SLC35F5: variants seen among roughly 807,000 people sequenced by gnomAD.
The protein encoded by SLC35F5 is HCV NS5A-transactivated protein 3.
A neutral mutation model predicts 68.6 loss-of-function variants in SLC35F5; 54 were observed. The ratio of observed to expected loss-of-function variants is 0.79; its 90% CI spans 0.63 to 0.99. The LOEUF is 0.99. Ranked by LOEUF, SLC35F5 falls within the 50% of genes least tolerant of loss-of-function variation. SLC35F5 has a pLI of 0.00. For missense variants in SLC35F5, 567 were observed against 626.9 expected (o/e 0.90, Z 1.02); for synonymous variants, 211 against 205.2 (o/e 1.03, Z -0.24).
intron 7 of SLC35F5, among the ~76,000 whole-genome samples, chr2:113,741,178 TCAAAAA>T: frequency 6.6e-6 from 1 of 151,796 alleles, no homozygotes; most frequent in East Asian, 1.9e-4. Context: ...TAAACCAGTC[TCAAAAA>T]GACAAATGCT....
rs752042491 is a variant in SLC35F5 at position 113,719,251 on chromosome 2, TA to T, written c.1398del (p.Phe466LeufsTer3). On this transcript the variant is annotated frameshift_variant, in exon 14 of 16. Transcript: ENST00000245680. LOFTEE classifies it high-confidence loss of function. ...TTATAATGGCATAGGAGAGTTACAA[TA>T]AAAAATGAAAAAAATACAGGGATAG... ...AGAIPVFFSF[F>X]IVTLLCHYNN... 2 of 1,593,572 alleles carry T rather than the reference TA, an allele frequency of 1.3e-6. No homozygotes were observed. Among genetic ancestry groups the T allele is most frequent in the South Asian group, 2.3e-5 (2 of 87,520 alleles).
Position 113,712,665 on chromosome 2 carries a change from G to A in SLC35F5, c.*2553C>T, listed in dbSNP as rs1687031751. On this transcript the variant is annotated 3_prime_UTR_variant, in exon 16 of 16. Coordinates refer to ENST00000245680, the MANE Select transcript of SLC35F5 (RefSeq NM_025181.5). ...CTCATTTTTCAGCTTTGTTGTAGTT[G>A]AGATTCTGATGTTCACCTAACAAAG... The A allele has an allele frequency of 6.6e-6, 1 of 152,242 alleles. No individual in the cohort carries two copies. Among genetic ancestry groups the A allele is most frequent in the African/African-American group, 2.4e-5 (1 of 41,460 alleles). The allele number at this position is 152,242 out of a possible 1,614,324, so 9.4% of individuals were successfully genotyped here. A position where few individuals can be genotyped will look rare whatever the true frequency, so the allele number is the denominator to read the frequency against.
Position 113,725,494 on chromosome 2 carries a change from G to T in SLC35F5, c.1134C>A (p.Phe378Leu). The T allele has an allele frequency of 1.2e-6, 2 of 1,602,380 alleles. No homozygotes were observed. Among genetic ancestry groups the T allele is most frequent in the Non-Finnish European group, 1.7e-6 (2 of 1,177,294 alleles). The change falls in exon 12 of 16, where the codon TTC (phenylalanine) becomes TTA (leucine). Residue 378 changes from phenylalanine to leucine, a missense_variant. Phe to Leu is a conservative substitution (Grantham distance 22). Transcript: ENST00000245680. ...LFNLLLLWPG[F>L]FLLHYTGFED... is the part of the protein sequence containing the mutation. ...CAAATCCAGTATAATGAAGTAAAAAGAAACCTGGCCATAAGAGCAGCAGAT... is the reference window on the plus strand; with the variant it reads ...CAAATCCAGTATAATGAAGTAAAAATAAACCTGGCCATAAGAGCAGCAGAT...
chr2:113,756,012 TAAAAG>T, intron 1 of SLC35F5: 9 of 1,508,048 alleles, frequency 6.0e-6, no homozygotes, highest in South Asian at 1.3e-5. Context: ...CTTCAAGTGG[TAAAAG>T]AAAAGGATTC....
intron 10 of SLC35F5, among the ~76,000 whole-genome samples, chr2:113,731,075 A>G (rs1218096056): frequency 6.6e-6 from 1 of 152,192 alleles, no homozygotes; most frequent in Non-Finnish European, 1.5e-5. Context: ...TATTCTTACC[A>G]AAAATGCACA....
rs183437592 is a variant in SLC35F5, at chr2:113,747,877, G to A, written c.418-1538C>T. Among the ~76,000 whole-genome samples the A allele has an allele frequency of 5.9e-3, 892 of 152,212 alleles. 5 individuals are homozygous for A. Among genetic ancestry groups the A allele is most frequent in the Non-Finnish European group, 9.2e-3 (624 of 68,002 alleles). ...GAGGCCGAGAGGGGTGGATCGCTTG[G>A]GGTCAGGAGTTCAAGACCAGCCTGA... is the stretch of plus-strand genomic sequence containing the variant. On this transcript the variant is annotated intron_variant, in intron 4 of 15. Coordinates refer to ENST00000245680, the MANE Select transcript of SLC35F5 (RefSeq NM_025181.5).
rs1677000063 is a variant in SLC35F5, at chr2:113,756,508, C to A, written c.-99G>T. The A allele has an allele frequency of 4.0e-6, 6 of 1,512,640 alleles. No homozygotes were observed. In the South Asian group the frequency reaches 6.2e-5, roughly 16 times the overall value. 93.7% of individuals were successfully genotyped at this position (1,512,640 alleles called of 1,614,324 possible). A position where few individuals can be genotyped will look rare whatever the true frequency, so the allele number is the denominator to read the frequency against. On this transcript the variant is annotated 5_prime_UTR_variant, in exon 1 of 16. Coordinates refer to ENST00000245680, the MANE Select transcript of SLC35F5 (RefSeq NM_025181.5). Reference sequence around the variant, plus strand: ...CCTGACATCGCGCCGCACTGGAGGCCCAGCTCCTGAAGACGCGGTGCCCCT... The same window carrying A: ...CCTGACATCGCGCCGCACTGGAGGCACAGCTCCTGAAGACGCGGTGCCCCT...
chr2:113,738,002 G>A (rs959009669), intron 7 of SLC35F5, among the ~76,000 whole-genome samples: 2 of 151,904 alleles, frequency 1.3e-5, no homozygotes, highest in African/African-American at 4.8e-5. Flanking sequence ...TATGTTCAAG[G>A]TATATAACAT....
chr2:113,741,526 A>G (rs1278397247), intron 7 of SLC35F5, among the ~76,000 whole-genome samples: 1 of 152,038 alleles, frequency 6.6e-6, no homozygotes, highest in African/African-American at 2.4e-5. Flanking sequence ...ACATGGAGAA[A>G]TCCTGTCTCT....
Position 113,707,898 on chromosome 2 carries a change from C to A in SLC35F5, c.*7320G>T, listed in dbSNP as rs17048297. The stretch of plus-strand genomic sequence containing the variant: ...CTCATTTTAAATTATACTAGTTGAA[C>A]CTTTATACTACAATGTATCCTGGCA... On this transcript the variant is annotated 3_prime_UTR_variant, in exon 16 of 16. Coordinates refer to ENST00000245680, the MANE Select transcript of SLC35F5 (RefSeq NM_025181.5). 0.022 allele frequency among the ~76,000 whole-genome samples: 3,362 copies of A among 152,164 alleles called. 66 individuals carry two copies. The highest frequency in any genetic ancestry group is 0.048 in the African/African-American group (1,997 of 41,530).
Position 113,755,464 on chromosome 2 carries a change from G to C in SLC35F5, c.121C>G (p.Leu41Val). Residue 41 changes from leucine to valine, a missense_variant, in exon 2 of 16, where the codon CTT (leucine) becomes GTT (valine). By Grantham distance (32) the Leu-to-Val change is conservative. Coordinates refer to ENST00000245680, the MANE Select transcript of SLC35F5 (RefSeq NM_025181.5). ...AAACGTGGAATCTACCTTGTCTTAA[G>C]AGCCCTTCTGAGATCCTCAAGAGCA... is the stretch of plus-strand genomic sequence containing the variant. ...GIALEDLRRA[L>V]KTRLQMVCVF... 6.2e-7 allele frequency: 1 copy of C among 1,614,100 alleles called. No homozygotes were observed. Among genetic ancestry groups the C allele is most frequent in the South Asian group, 1.1e-5 (1 of 91,062 alleles).
chr2:113,755,487 G>A lies in SLC35F5; in HGVS notation c.98C>T (p.Ala33Val). Residue 33 changes from alanine to valine, a missense_variant, in exon 2 of 16, where the codon GCT becomes GTT. By Grantham distance (64) the Ala-to-Val change is moderately conservative (BLOSUM62 0). Transcript: ENST00000245680. ...RLRSAKFSGI[A>V]LEDLRRALKT... ...AAGAGCCCTTCTGAGATCCTCAAGAGCAATGCCGGAAAACTTGGCAGATCT... is the reference window on the plus strand; with the variant it reads ...AAGAGCCCTTCTGAGATCCTCAAGAACAATGCCGGAAAACTTGGCAGATCT... The A allele has an allele frequency of 6.2e-7, 1 of 1,614,084 alleles. No homozygotes were observed. Among genetic ancestry groups the A allele is most frequent in the Non-Finnish European group, 8.5e-7 (1 of 1,179,998 alleles).
At chr2:113,734,557 G>T in intron 9 of SLC35F5, 29 bp downstream of exon 9, 2 of 1,268,324 alleles carry the variant, frequency 1.6e-6, no homozygotes, top group Non-Finnish European at 2.3e-6. Context: ...TTTAAGCAGA[G>T]CAAACTAGCT....
chr2:113,738,592 ATTTACT>A (rs1198205863), intron 7 of SLC35F5, among the ~76,000 whole-genome samples: 3 of 152,006 alleles, frequency 2.0e-5, no homozygotes, highest in African/African-American at 7.2e-5. Context: ...TACTGATTTC[ATTTACT>A]TTGGATATGT....
intron 13 of SLC35F5, 74 bp downstream of exon 13, chr2:113,723,030 C>T (rs1213147348): frequency 1.0e-6 from 1 of 964,002 alleles, no homozygotes; most frequent in Non-Finnish European, 1.5e-6. Context: ...ATAATTTAAT[C>T]ACATCTCAAC....
At chr2:113,727,277 T>C (rs578176619) in intron 11 of SLC35F5, among the ~76,000 whole-genome samples, 1 of 152,228 alleles carries the variant, frequency 6.6e-6, no homozygotes, top group Admixed American at 6.5e-5. Flanking sequence ...CCTCTTTTGT[T>C]TATAAATTAC....
rs1686922957 is a variant in SLC35F5 at position 113,709,864 on chromosome 2, T to C, written c.*5354A>G. On this transcript the variant is annotated 3_prime_UTR_variant, in exon 16 of 16. Transcript: ENST00000245680. ...TCTCACTTTGCTGCCCAGGCTGGAC[T>C]GCAGTGGCCCAATAATAACTCACTG... Among the ~76,000 whole-genome samples the C allele has an allele frequency of 6.6e-6, 1 of 152,240 alleles. No individual in the cohort carries two copies. The highest frequency in any genetic ancestry group is 2.4e-5 in the African/African-American group (1 of 41,460).
chr2:113,731,611 C>T lies in SLC35F5; in HGVS notation c.958G>A (p.Glu320Lys). 1.2e-6 allele frequency: 2 copies of T among 1,613,230 alleles called. No individual in the cohort carries two copies. The highest frequency in any genetic ancestry group is 2.2e-5 in the South Asian group (2 of 91,070). Residue 320 changes from glutamate to lysine, a missense_variant, in exon 10 of 16, where the codon GAA (glutamate) becomes AAA (lysine). Physicochemically the swap from Glu to Lys is moderately conservative, Grantham distance 56. Coordinates refer to ENST00000245680, the MANE Select transcript of SLC35F5 (RefSeq NM_025181.5). ...GVVLVNLAGSEKPAGRDTVGS... is the reference protein window; with the variant it reads ...GVVLVNLAGSKKPAGRDTVGS... ...ACTGTGTCTCTTCCAGCAGGTTTTT[C>T]AGACCCTGCCAGGTTTACCAGTACA...
At position 113,712,927 on chromosome 2, in the gene SLC35F5, T is replaced by A. The variant is rs1687042430; in HGVS notation, c.*2291A>T. 6.6e-6 allele frequency: 1 copy of A among 152,196 alleles called. No homozygotes were observed. The highest frequency in any genetic ancestry group is 1.5e-5 in the Non-Finnish European group (1 of 68,032). 9.4% of individuals were successfully genotyped at this position (152,196 alleles called of 1,614,324 possible). A position where few individuals can be genotyped will look rare whatever the true frequency, so the allele number is the denominator to read the frequency against. On this transcript the variant is annotated 3_prime_UTR_variant, in exon 16 of 16. Transcript: ENST00000245680. ...CCAGCATTTCCAAAGACCTGCAATG[T>A]GCTCATTGTGATCCAAGGGCCTTGT...
Sources: gnomAD v4.1 joint callset for allele counts (sites outside exome capture counted in the v4.1 genomes callset) on GRCh38, gnomAD v4.1.1 for gene constraint, MANE v1.5 for transcripts, NCBI Gene and HGNC (gene_info 2026-07-23, HGNC 2026-07-21) for gene names.